Variants in OSMR observed in about 807,000 individuals in gnomAD.
OSMR encodes the protein oncostatin-M-specific receptor subunit beta.
OSMR carries 81 observed loss-of-function variants against 99.9 expected under a neutral mutation model. The observed-to-expected ratio is 0.81, with a 90% CI of 0.68 to 0.97. The LOEUF (loss-of-function observed/expected upper bound fraction) is 0.97, where lower values mean the gene tolerates loss of function less well. OSMR is among the 50% of genes least tolerant of loss of function. The probability of loss-of-function intolerance (pLI) is 0.00; values close to 1 mark genes in which losing one functional copy is unlikely to be tolerated. For missense variants in OSMR, 1,099 were observed against 1,153.4 expected, an observed-to-expected ratio of 0.95 and a Z score of 0.68; for synonymous variants, 406 against 410.4, an observed-to-expected ratio of 0.99 and a Z score of 0.13.
intron 11 of OSMR, chr5:38,919,635 G>T: frequency 3.6e-6 from 1 of 281,648 alleles, no homozygotes. Flanking sequence ...TTCCTTCTTA[G>T]CCATAAAAAG....
chr5:38,910,733 G>A (rs777618421), intron 9 of OSMR, among the ~76,000 whole-genome samples: 2 of 152,156 alleles, frequency 1.3e-5, no homozygotes, highest in Non-Finnish European at 2.9e-5. Flanking sequence ...AGTTTTGGCT[G>A]GGTGCGGTAG....
At chr5:38,869,265 C>T in intron 2 of OSMR, 148 bp downstream of exon 2, 1 of 760,316 alleles carries the variant, frequency 1.3e-6, no homozygotes. Flanking sequence ...TTGTCAATCT[C>T]TCTAAGCAGT....
chr5:38,898,937 A>G (rs997647147), intron 7 of OSMR, among the ~76,000 whole-genome samples: 1 of 116,396 alleles, frequency 8.6e-6, no homozygotes, highest in African/African-American at 3.6e-5. Flanking sequence ...TGTTGTTTCT[A>G]TTTACATAAT....
chr5:38,913,549 CA>C (rs528979345), intron 9 of OSMR, among the ~76,000 whole-genome samples: 6,295 of 123,500 alleles, frequency 0.051, 285 homozygotes, highest in African/African-American at 0.15. Context: ...GACTCCATCT[CA>C]AAAAAAAAAA....
chr5:38,908,757 A>C (rs1745398225), intron 9 of OSMR, among the ~76,000 whole-genome samples: 2 of 152,050 alleles, frequency 1.3e-5, no homozygotes, highest in Non-Finnish European at 2.9e-5. Context: ...TAAAACATAA[A>C]ACAAAACAAA....
In OSMR at chr5:38,903,265, G is replaced by T. The variant is rs145546440; in HGVS notation, c.992-617G>T. ...TAACACAAGCCTTGGATTTATTGCT[G>T]CTGGTCCCCAAGGCTGCGGAGAGCT... is the stretch of plus-strand genomic sequence containing the variant. On this transcript the variant is annotated intron_variant, in intron 7 of 17. Transcript: ENST00000274276. Among the ~76,000 whole-genome samples the T allele has an allele frequency of 4.5e-3, 687 of 152,326 alleles. 4 individuals are homozygous for T. Among genetic ancestry groups the T allele is most frequent in the Non-Finnish European group, 5.8e-3 (393 of 68,028 alleles).
intron 9 of OSMR, among the ~76,000 whole-genome samples, chr5:38,914,911 T>C (rs1238887337): frequency 6.6e-6 from 1 of 152,184 alleles, no homozygotes; most frequent in Non-Finnish European, 1.5e-5. Context: ...GATGGGATCA[T>C]TCATATTCCA....
intron 11 of OSMR, among the ~76,000 whole-genome samples, chr5:38,920,394 A>G (rs184849868): frequency 6.6e-6 from 1 of 152,202 alleles, no homozygotes; most frequent in Admixed American, 6.5e-5. Context: ...CATATTTTCA[A>G]TTTAAAGAAA....
downstream of OSMR, chr5:38,937,969 T>C (rs1315707210): frequency 5.3e-6 from 1 of 189,168 alleles, no homozygotes; most frequent in African/African-American, 2.3e-5. The surrounding 1 kb of genome is among the most constrained non-coding windows in gnomAD (Gnocchi z 4.0). Flanking sequence ...TTTGATAAGA[T>C]TATGCTTCAG....
In OSMR at chr5:38,921,720, A is replaced by C; in HGVS notation, c.1691A>C (p.His564Pro). ...VIGYVVDWCD[H>P]TQDVLGDFQW... ...GGCTATGTTGTGGACTGGTGTGACC[A>C]TACCCAGGATGTGCTCGGTGATTTC... The change falls in exon 12 of 18, where the codon CAT (histidine) becomes CCT (proline). Residue 564 changes from histidine (H) to proline (P), a missense_variant. By Grantham distance (77) the His-to-Pro change is moderately conservative. Transcript: ENST00000274276. 1 of 1,614,174 alleles carries C rather than the reference A, an allele frequency of 6.2e-7. No individual in the cohort carries two copies. Among genetic ancestry groups the C allele is most frequent in the Non-Finnish European group, 8.5e-7 (1 of 1,180,032 alleles).
chr5:38,933,469 T>C lies in OSMR; in HGVS notation c.*25T>C, dbSNP rs1474460013. Reference sequence around the variant, plus strand: ...ACCAGCATGCCGATTTCATACCTTATGCTACACAGACATTAAGAAGAGCAG... The same window carrying C: ...ACCAGCATGCCGATTTCATACCTTACGCTACACAGACATTAAGAAGAGCAG... On this transcript the variant is annotated 3_prime_UTR_variant, in exon 18 of 18. Coordinates refer to ENST00000274276, the MANE Select transcript of OSMR (RefSeq NM_003999.3). The C allele has an allele frequency of 3.1e-6, 5 of 1,613,598 alleles. No individual in the cohort carries two copies. In the South Asian group the frequency reaches 3.3e-5, roughly 11 times the overall value.
At chr5:38,904,678 C>G (rs752597614) in intron 9 of OSMR, among the ~76,000 whole-genome samples, 175 bp downstream of exon 9, 4 of 152,218 alleles carry the variant, frequency 2.6e-5, no homozygotes, top group Admixed American at 2.6e-4. Context: ...AAACCATCCA[C>G]CTCAGACAGT....
intron 1 of OSMR, among the ~76,000 whole-genome samples, chr5:38,856,198 T>C (rs1740824417): frequency 6.6e-6 from 1 of 152,184 alleles, no homozygotes; most frequent in Non-Finnish European, 1.5e-5. Context: ...TAACTTGGAA[T>C]CATTGGTGTC....
chr5:38,927,644 C>G (rs541026747), intron 15 of OSMR, among the ~76,000 whole-genome samples: 1 of 152,256 alleles, frequency 6.6e-6, no homozygotes, highest in African/African-American at 2.4e-5. Context: ...GGTGTCTGTG[C>G]CTGTGATGGG....
At chr5:38,903,273 C>T (rs1041213634) in intron 7 of OSMR, among the ~76,000 whole-genome samples, 2 of 152,222 alleles carry the variant, frequency 1.3e-5, no homozygotes, top group Admixed American at 6.5e-5. Context: ...CTGCTGGTCC[C>T]CAAGGCTGCG....
At chr5:38,851,654 C>T (rs1740361767) in intron 1 of OSMR, among the ~76,000 whole-genome samples, 1 of 152,194 alleles carries the variant, frequency 6.6e-6, no homozygotes, top group African/African-American at 2.4e-5. Flanking sequence ...CAGCTGCACA[C>T]TGCCACAGTT....
intron 1 of OSMR, chr5:38,941,241 T>C (rs1405974448): frequency 4.3e-6 from 1 of 232,640 alleles, no homozygotes; most frequent in African/African-American, 2.2e-5. Context: ...AAAACACTGA[T>C]ATAAAAATTA....
intron 3 of OSMR, among the ~76,000 whole-genome samples, chr5:38,879,453 G>A (rs1561359066): frequency 2.0e-5 from 3 of 152,196 alleles, no homozygotes; most frequent in Admixed American, 1.3e-4. Context: ...TAGGAAGCGA[G>A]CTGTAGGGTT....
intron 7 of OSMR, among the ~76,000 whole-genome samples, chr5:38,889,938 C>A (rs1561372156): frequency 6.6e-6 from 1 of 152,094 alleles, no homozygotes; most frequent in Admixed American, 6.6e-5. Flanking sequence ...CATTGAAATG[C>A]CAGTTTTATG....
Sources: allele counts gnomAD v4.1 joint callset (sites outside exome capture counted in the v4.1 genomes callset), GRCh38; gene constraint gnomAD v4.1.1; non-coding constraint Gnocchi (gnomAD v3.1); transcripts MANE v1.5; gene names NCBI Gene and HGNC (gene_info 2026-07-23, HGNC 2026-07-21).